Variants in NUBPL observed in about 807,000 individuals in gnomAD.
The protein encoded by NUBPL is iron-sulfur cluster transfer protein NUBPL.
A neutral mutation model predicts 45.7 loss-of-function variants in NUBPL; 31 were observed. That is an observed-to-expected ratio of 0.68 (90% CI 0.51 to 0.92). NUBPL has a LOEUF of 0.92. Among genes scored for constraint, NUBPL ranks in the 40% least tolerant of loss-of-function variants. NUBPL has a pLI of 0.00. For missense variants in NUBPL, 401 were observed against 398.7 expected (o/e 1.01, Z -0.05); for synonymous variants, 144 against 140.9 (o/e 1.02, Z -0.15).
intron 6 of NUBPL, among the ~76,000 whole-genome samples, chr14:31,732,407 A>T (rs116637264): frequency 0.047 from 7,171 of 152,026 alleles, 215 homozygotes; most frequent in Admixed American, 0.066. Context: ...TATTGTGCTT[A>T]AAAATGTGAA....
rs61028866 is a variant in NUBPL, at chr14:31,690,091, G to GA, written c.513+16527dup. ...ATGCAGGTGGAATTGACTCATTCTGGAAAAAAAAAATGCCACAGAGGACAC... is the reference window on the plus strand; with the variant it reads ...ATGCAGGTGGAATTGACTCATTCTGGAAAAAAAAAAATGCCACAGAGGACAC... On this transcript the variant is annotated intron_variant, in intron 6 of 10. Coordinates refer to ENST00000281081, the MANE Select transcript of NUBPL (RefSeq NM_025152.3). Among the ~76,000 whole-genome samples, 793 of 148,438 alleles carry GA rather than the reference G, an allele frequency of 5.3e-3. 5 individuals carry two copies. The highest frequency in any genetic ancestry group is 0.018 in the Middle Eastern group (5 of 282).
At chr14:31,771,074 C>T (rs2039000854) in intron 6 of NUBPL, among the ~76,000 whole-genome samples, 1 of 152,080 alleles carries the variant, frequency 6.6e-6, no homozygotes, top group Admixed American at 6.6e-5. Context: ...TAAATGATTA[C>T]TCCATGTAAT....
chr14:31,642,793 A>G (rs2035741935), intron 4 of NUBPL, among the ~76,000 whole-genome samples: 1 of 152,136 alleles, frequency 6.6e-6, no homozygotes, highest in Non-Finnish European at 1.5e-5. Context: ...TGAGCATGGA[A>G]TATCTTCCCT....
At chr14:31,645,785 C>CCCA (rs397853332) in intron 4 of NUBPL, among the ~76,000 whole-genome samples, 1 of 134,788 alleles carries the variant, frequency 7.4e-6, no homozygotes, top group Non-Finnish European at 1.6e-5. Flanking sequence ...CCCCCCCCCC[C>CCCA]ACATTTTGAC....
chr14:31,611,920 A>G (rs2034769822), intron 4 of NUBPL, among the ~76,000 whole-genome samples: 1 of 152,214 alleles, frequency 6.6e-6, no homozygotes, highest in Non-Finnish European at 1.5e-5. Context: ...CAAAAATCAA[A>G]TAAAAATGGA....
chr14:31,791,663 C>T (rs1202061575), intron 7 of NUBPL, among the ~76,000 whole-genome samples: 1 of 152,048 alleles, frequency 6.6e-6, no homozygotes, highest in African/African-American at 2.4e-5. Flanking sequence ...CTGTAATCCA[C>T]AGTATGAGAA....
intron 4 of NUBPL, among the ~76,000 whole-genome samples, chr14:31,615,631 C>G (rs2034878381): frequency 6.6e-6 from 1 of 152,064 alleles, no homozygotes; most frequent in Non-Finnish European, 1.5e-5. Flanking sequence ...ATGAACTCAC[C>G]TTCTTTATGG....
At chr14:31,637,394 T>C (rs1052506046) in intron 4 of NUBPL, among the ~76,000 whole-genome samples, 4 of 152,230 alleles carry the variant, frequency 2.6e-5, no homozygotes, top group Non-Finnish European at 4.4e-5. Flanking sequence ...TGTAGTTGAG[T>C]GGTTTTGAGT....
chr14:31,646,085 C>T (rs912671051), intron 4 of NUBPL, among the ~76,000 whole-genome samples: 1 of 151,988 alleles, frequency 6.6e-6, no homozygotes, highest in African/African-American at 2.4e-5. Context: ...GGTGAATTCT[C>T]TCATTCTTTG....
chr14:31,651,901 A>AG (rs2036016727), intron 4 of NUBPL, among the ~76,000 whole-genome samples: 1 of 150,248 alleles, frequency 6.7e-6, no homozygotes, highest in Non-Finnish European at 1.5e-5. Flanking sequence ...TCTGTCTCAA[A>AG]AAAAAAAAAA....
At chr14:31,638,439 A>G (rs1302608461) in intron 4 of NUBPL, among the ~76,000 whole-genome samples, 4 of 151,412 alleles carry the variant, frequency 2.6e-5, no homozygotes, top group East Asian at 1.9e-4. Flanking sequence ...TGGCTTGTAG[A>G]GTTTCTGCCG....
chr14:31,699,258 G>A (rs1392425762), intron 6 of NUBPL, among the ~76,000 whole-genome samples: 1 of 152,172 alleles, frequency 6.6e-6, no homozygotes, highest in Non-Finnish European at 1.5e-5. Context: ...TATTTTGGTA[G>A]CATCTAAATG....
intron 4 of NUBPL, among the ~76,000 whole-genome samples, chr14:31,641,174 T>A (rs1014868787): frequency 6.6e-6 from 1 of 152,130 alleles, no homozygotes; most frequent in Non-Finnish European, 1.5e-5. Context: ...ATGGTCTTGA[T>A]CTCTTGACCT....
At chr14:31,832,346 G>A (rs2040206175) in intron 8 of NUBPL, among the ~76,000 whole-genome samples, 1 of 152,102 alleles carries the variant, frequency 6.6e-6, no homozygotes, top group Non-Finnish European at 1.5e-5. Flanking sequence ...TGAAAATCTT[G>A]GGAATCGATT....
At chr14:31,822,762 C>G (rs1264198969) in intron 7 of NUBPL, among the ~76,000 whole-genome samples, 1 of 152,030 alleles carries the variant, frequency 6.6e-6, no homozygotes, top group Non-Finnish European at 1.5e-5. Context: ...TGTTTACATG[C>G]TTCGTGAGCA....
At chr14:31,598,039 A>G (rs770312863) in intron 3 of NUBPL, among the ~76,000 whole-genome samples, 1 of 152,136 alleles carries the variant, frequency 6.6e-6, no homozygotes, top group Non-Finnish European at 1.5e-5. Context: ...AATTTTATAT[A>G]CCACCATTCT....
At chr14:31,569,425 G>C (rs1192649917) in intron 3 of NUBPL, among the ~76,000 whole-genome samples, 1 of 152,112 alleles carries the variant, frequency 6.6e-6, no homozygotes, top group Non-Finnish European at 1.5e-5. Flanking sequence ...TGAAACTCCT[G>C]ACCTCAAGTG....
chr14:31,717,523 T>C (rs2037716473), intron 6 of NUBPL, among the ~76,000 whole-genome samples: 1 of 152,224 alleles, frequency 6.6e-6, no homozygotes. Context: ...TTTTCCCCTA[T>C]CATAGCAAGA....
chr14:31,731,167 A>C (rs2038040733), intron 6 of NUBPL, among the ~76,000 whole-genome samples: 1 of 152,252 alleles, frequency 6.6e-6, no homozygotes, highest in South Asian at 2.1e-4. Context: ...CACTATTTAA[A>C]ACTTAATCAT....
Sources: gnomAD v4.1 joint callset for allele counts (sites outside exome capture counted in the v4.1 genomes callset) on GRCh38, gnomAD v4.1.1 for gene constraint, MANE v1.5 for transcripts, NCBI Gene and HGNC (gene_info 2026-07-23, HGNC 2026-07-21) for gene names.